The following FAM168A variants were observed in gnomAD, a reference collection of about 807,000 sequenced individuals.
FAM168A encodes family with sequence similarity 168 member A, also known as protein FAM168A.
FAM168A carries 3 observed loss-of-function variants against 28.5 expected under a neutral mutation model. The observed-to-expected ratio is 0.11, with a 90% confidence interval of 0.05 to 0.27. The LOEUF (loss-of-function observed/expected upper bound fraction) is 0.27. Ranked by LOEUF, FAM168A falls within the 10% of genes least tolerant of loss-of-function variation. The pLI is 1.00. For synonymous variants in FAM168A, 122 were observed against 124.2 expected (o/e 0.98, Z 0.12); for missense variants, 222 against 311.5 (o/e 0.71, Z 2.16).
At chr11:73,536,886 A>T (rs578233678) in intron 1 of FAM168A, among the ~76,000 whole-genome samples, 6 of 152,200 alleles carry the variant, frequency 3.9e-5, no homozygotes, top group African/African-American at 1.4e-4. Flanking sequence ...TGAGTGTTCC[A>T]ATGAAGGCAC....
chr11:73,580,583 T>C (rs905497169), intron 1 of FAM168A: 30 of 511,350 alleles, frequency 5.9e-5, no homozygotes, highest in Middle Eastern at 6.5e-4. Flanking sequence ...AATACTATTT[T>C]TAATCAAGTT....
At chr11:73,415,327 T>G (rs1234795615) in intron 4 of FAM168A, among the ~76,000 whole-genome samples, 1 of 152,176 alleles carries the variant, frequency 6.6e-6, no homozygotes, top group East Asian at 1.9e-4. Context: ...GATGAGATAA[T>G]GAGTAGTTGC....
intron 1 of FAM168A, among the ~76,000 whole-genome samples, chr11:73,596,941 C>G (rs1230941056): frequency 6.6e-6 from 1 of 152,070 alleles, no homozygotes; most frequent in African/African-American, 2.4e-5. Flanking sequence ...TTCAAGATAC[C>G]ATCCCCCAAC....
At chr11:73,563,124 A>C (rs1943978815) in intron 1 of FAM168A, among the ~76,000 whole-genome samples, 1 of 152,234 alleles carries the variant, frequency 6.6e-6, no homozygotes, top group African/African-American at 2.4e-5. Flanking sequence ...TTTTCAAGCA[A>C]TTCCAAACCA....
intron 1 of FAM168A, among the ~76,000 whole-genome samples, chr11:73,501,275 G>A (rs1855006117): frequency 6.6e-6 from 1 of 152,186 alleles, no homozygotes; most frequent in Admixed American, 6.5e-5. Context: ...GTCAGTATCA[G>A]ACAGATCAAT....
intron 1 of FAM168A, among the ~76,000 whole-genome samples, chr11:73,487,619 G>A (rs1413327856): frequency 6.6e-6 from 1 of 152,040 alleles, no homozygotes; most frequent in East Asian, 1.9e-4. Context: ...TGCCCTCTCA[G>A]TTATCTGATC....
At chr11:73,571,222 TC>T (rs1565303131) in intron 1 of FAM168A, among the ~76,000 whole-genome samples, 1 of 47,390 alleles carries the variant, frequency 2.1e-5, no homozygotes, top group Non-Finnish European at 3.6e-5. Context: ...ACTCTCCCTC[TC>T]CCCCTCCCCC....
At chr11:73,508,728 G>A (rs1855163350) in intron 1 of FAM168A, among the ~76,000 whole-genome samples, 1 of 152,086 alleles carries the variant, frequency 6.6e-6, no homozygotes, top group Non-Finnish European at 1.5e-5. Context: ...CTCAGTCTGT[G>A]ACCTGCTCTA....
chr11:73,577,108 G>T (rs1261356022), intron 1 of FAM168A, among the ~76,000 whole-genome samples: 1 of 152,148 alleles, frequency 6.6e-6, no homozygotes, highest in Non-Finnish European at 1.5e-5. Context: ...ATCCCTTCAG[G>T]AATAGTTCAA....
chr11:73,591,513 A>G (rs1273192952), intron 1 of FAM168A, among the ~76,000 whole-genome samples: 1 of 152,094 alleles, frequency 6.6e-6, no homozygotes, highest in Non-Finnish European at 1.5e-5. Context: ...ACCCTCTTGA[A>G]TCTTTTTATT....
At chr11:73,433,529 T>A (rs974037618) in intron 2 of FAM168A, among the ~76,000 whole-genome samples, 2 of 152,162 alleles carry the variant, frequency 1.3e-5, no homozygotes, top group African/African-American at 2.4e-5. Context: ...TATATTGAGA[T>A]CACTGATCCA....
chr11:73,457,343 T>C (rs1867551637), intron 2 of FAM168A, among the ~76,000 whole-genome samples: 1 of 150,400 alleles, frequency 6.6e-6, no homozygotes, highest in Admixed American at 6.6e-5. Context: ...TGAGCTATGA[T>C]CGCACCACTG....
rs1219126817 is a variant in FAM168A at position 73,597,945 on chromosome 11, A to ACGGCGG, written c.-47_-42dup. ...CACCGGTGAGCAGCTGCAGGCGAAA[A>ACGGCGG]CGGCGGCGGCGGCGGCTGAGGCGGC... On this transcript the variant is annotated 5_prime_UTR_variant, in exon 1 of 8. Transcript: ENST00000356467. 11 of 156,050 alleles carry ACGGCGG rather than the reference A, an allele frequency of 7.0e-5. No homozygotes were observed. Among genetic ancestry groups the ACGGCGG allele is most frequent in the South Asian group, 1.9e-4 (1 of 5,334 alleles). The allele number at this position is 156,050 out of a possible 1,614,324, so 9.7% of individuals were successfully genotyped here. A position where few individuals can be genotyped will look rare whatever the true frequency, so the allele number is the denominator to read the frequency against.
chr11:73,488,607 C>A (rs1014465135), intron 1 of FAM168A, among the ~76,000 whole-genome samples: 1 of 152,158 alleles, frequency 6.6e-6, no homozygotes, highest in Non-Finnish European at 1.5e-5. Context: ...CATTTACCTA[C>A]CAAACTGCAC....
intron 1 of FAM168A, among the ~76,000 whole-genome samples, chr11:73,476,142 A>G (rs185747027): frequency 6.6e-6 from 1 of 152,208 alleles, no homozygotes; most frequent in East Asian, 1.9e-4. Context: ...ACAAAACTAA[A>G]AGTTAGAGCA....
intron 1 of FAM168A, among the ~76,000 whole-genome samples, chr11:73,561,073 AC>A (rs58080320): frequency 0.21 from 25,806 of 124,462 alleles, 2,697 homozygotes; most frequent in African/African-American, 0.38. Context: ...AAAAAAAAAA[AC>A]AAAAAACAAA....
intron 1 of FAM168A, among the ~76,000 whole-genome samples, chr11:73,478,119 C>T (rs1331281069): frequency 1.3e-5 from 2 of 152,106 alleles, no homozygotes; most frequent in African/African-American, 2.4e-5. Context: ...GGGAATGCTG[C>T]CATATTGGAG....
At chr11:73,457,677 G>A (rs1419769082) in intron 2 of FAM168A, among the ~76,000 whole-genome samples, 1 of 142,728 alleles carries the variant, frequency 7.0e-6, no homozygotes, top group African/African-American at 2.6e-5. Context: ...AAGAGCTGGA[G>A]GCTGCAGTGA....
At chr11:73,419,463 G>A (rs188995599) in intron 4 of FAM168A, among the ~76,000 whole-genome samples, 10 of 152,274 alleles carry the variant, frequency 6.6e-5, no homozygotes, top group Admixed American at 2.0e-4. Context: ...ACAGGACAGC[G>A]CCCCCACAAC....
Sources: allele counts gnomAD v4.1 joint callset (sites outside exome capture counted in the v4.1 genomes callset), GRCh38; gene constraint gnomAD v4.1.1; transcripts MANE v1.5; gene names NCBI Gene and HGNC (gene_info 2026-07-23, HGNC 2026-07-21).